EGFLAM: variants seen among roughly 807,000 people sequenced by gnomAD.
EGFLAM encodes the protein pikachurin.
A neutral mutation model predicts 113.1 loss-of-function variants in EGFLAM; 79 were observed. The ratio of observed to expected loss-of-function variants is 0.70; its 90% CI spans 0.58 to 0.84. The LOEUF is 0.84. Ranked by LOEUF, EGFLAM falls within the 40% of genes least tolerant of loss-of-function variation. EGFLAM has a pLI of 0.00. For missense variants in EGFLAM, 1,265 were observed against 1,291.6 expected (o/e 0.98, Z 0.32); for synonymous variants, 504 against 487.6 (o/e 1.03, Z -0.44).
At chr5:38,367,637 C>A (rs1464294852) in intron 5 of EGFLAM, among the ~76,000 whole-genome samples, 1 of 152,092 alleles carries the variant, frequency 6.6e-6, no homozygotes, top group East Asian at 1.9e-4. Flanking sequence ...GAATACATTG[C>A]CAAGATAGCG....
intron 5 of EGFLAM, among the ~76,000 whole-genome samples, chr5:38,353,379 G>A (rs1462324074): frequency 6.6e-6 from 1 of 152,212 alleles, no homozygotes; most frequent in Non-Finnish European, 1.5e-5. Flanking sequence ...GATTCTCCAC[G>A]TTAAAGGTGA....
At chr5:38,273,961 G>A (rs939334484) in intron 1 of EGFLAM, among the ~76,000 whole-genome samples, 20 of 152,184 alleles carry the variant, frequency 1.3e-4, no homozygotes, top group African/African-American at 2.6e-4. Context: ...AATAAAATGC[G>A]TAGAAACAGT....
chr5:38,363,959 T>TAA lies in EGFLAM; in HGVS notation c.546-6335_546-6334dup, dbSNP rs548487981. On this transcript the variant is annotated intron_variant, in intron 5 of 21. Coordinates refer to ENST00000322350, the MANE Select transcript of EGFLAM (RefSeq NM_152403.4). ...TAAACAGTACCTAAATGGGTGAGGT[T>TAA]AAACAGTACCTAAATGGGTGTCGTT... is the stretch of plus-strand genomic sequence containing the variant. Among the ~76,000 whole-genome samples, 253 of 152,328 alleles carry TAA rather than the reference T, an allele frequency of 1.7e-3. 1 individual carries two copies. The highest frequency in any genetic ancestry group is 5.8e-3 in the African/African-American group (240 of 41,582).
chr5:38,427,825 G>T (rs1408404281), intron 14 of EGFLAM, among the ~76,000 whole-genome samples: 1 of 152,230 alleles, frequency 6.6e-6, no homozygotes, highest in Non-Finnish European at 1.5e-5. Flanking sequence ...GTGATGAGTG[G>T]TTTCAATAGC....
At chr5:38,329,503 G>A (rs1485254724) in intron 1 of EGFLAM, among the ~76,000 whole-genome samples, 3 of 152,056 alleles carry the variant, frequency 2.0e-5, no homozygotes, top group Non-Finnish European at 4.4e-5. Context: ...GGGTGGTCAA[G>A]CTGAGTCACT....
chr5:38,324,658 G>GAA (rs149437052), intron 1 of EGFLAM, among the ~76,000 whole-genome samples: 1 of 144,790 alleles, frequency 6.9e-6, no homozygotes, highest in East Asian at 2.0e-4. Flanking sequence ...TGCTTTACAG[G>GAA]AAAAAAAAAA....
chr5:38,261,758 G>A (rs551318862), intron 1 of EGFLAM, among the ~76,000 whole-genome samples: 1 of 152,244 alleles, frequency 6.6e-6, no homozygotes, highest in African/African-American at 2.4e-5. Flanking sequence ...GAGTGCATAT[G>A]ATACTGAAAG....
chr5:38,344,973 G>A (rs928301004), intron 3 of EGFLAM, among the ~76,000 whole-genome samples: 1 of 152,220 alleles, frequency 6.6e-6, no homozygotes, highest in African/African-American at 2.4e-5. Flanking sequence ...ATTCTATTAT[G>A]AGAAAGGAGA....
chr5:38,329,432 A>C (rs536381083), intron 1 of EGFLAM, among the ~76,000 whole-genome samples: 1 of 152,182 alleles, frequency 6.6e-6, no homozygotes, highest in Admixed American at 6.5e-5. Flanking sequence ...TATTGGGTCC[A>C]AGTGTCTGAC....
At chr5:38,295,269 T>G (rs1323759128) in intron 1 of EGFLAM, among the ~76,000 whole-genome samples, 1 of 152,226 alleles carries the variant, frequency 6.6e-6, no homozygotes, top group Non-Finnish European at 1.5e-5. Flanking sequence ...CTGACTATAA[T>G]ACAAAGTTTA....
chr5:38,428,884 G>T (rs1742099837), intron 14 of EGFLAM, among the ~76,000 whole-genome samples: 1 of 152,192 alleles, frequency 6.6e-6, no homozygotes, highest in Admixed American at 6.5e-5. Context: ...TAAGAATTAG[G>T]TGATGAAAAT....
At chr5:38,441,180 C>G (rs1323801473) in intron 17 of EGFLAM, among the ~76,000 whole-genome samples, 2 of 152,204 alleles carry the variant, frequency 1.3e-5, no homozygotes, top group African/African-American at 2.4e-5. Context: ...GCAGTGGCCA[C>G]TGCAGAAACT....
At chr5:38,391,071 G>T (rs2112086876) in intron 6 of EGFLAM, among the ~76,000 whole-genome samples, 1 of 151,926 alleles carries the variant, frequency 6.6e-6, no homozygotes, top group South Asian at 2.1e-4. Context: ...TTTTTCCAAG[G>T]TCATTAGGCA....
chr5:38,400,170 A>G (rs1402966641), intron 6 of EGFLAM, among the ~76,000 whole-genome samples: 1 of 152,156 alleles, frequency 6.6e-6, no homozygotes, highest in Non-Finnish European at 1.5e-5. Flanking sequence ...CCTTCTCCCA[A>G]TTATTTGGAT....
chr5:38,379,379 A>C (rs536507480), intron 6 of EGFLAM, among the ~76,000 whole-genome samples: 3 of 152,088 alleles, frequency 2.0e-5, no homozygotes, highest in Non-Finnish European at 4.4e-5. Flanking sequence ...GGAAGGACGC[A>C]GAGAACACAG....
chr5:38,328,622 GTTAAT>G (rs1262463999), intron 1 of EGFLAM, among the ~76,000 whole-genome samples: 1 of 151,002 alleles, frequency 6.6e-6, no homozygotes, highest in African/African-American at 2.4e-5. Context: ...TAATATTTTC[GTTAAT>G]TTAATAGGTG....
intron 6 of EGFLAM, among the ~76,000 whole-genome samples, chr5:38,399,233 C>T (rs1452559195): frequency 6.6e-6 from 1 of 151,020 alleles, no homozygotes; most frequent in Non-Finnish European, 1.5e-5. Flanking sequence ...CATTCCAAAT[C>T]GAATTCCTCC....
chr5:38,293,159 T>G (rs1039229892), intron 1 of EGFLAM, among the ~76,000 whole-genome samples: 3 of 152,234 alleles, frequency 2.0e-5, no homozygotes, highest in Non-Finnish European at 2.9e-5. Context: ...TGCTTCAAAC[T>G]ATGAAGACCC....
intron 1 of EGFLAM, among the ~76,000 whole-genome samples, chr5:38,272,204 C>A (rs1033511912): frequency 6.6e-6 from 1 of 152,176 alleles, no homozygotes; most frequent in African/African-American, 2.4e-5. Context: ...ATGTTCAATA[C>A]CTAGAGAACA....
Sources: allele counts gnomAD v4.1 joint callset (sites outside exome capture counted in the v4.1 genomes callset), GRCh38; gene constraint gnomAD v4.1.1; transcripts MANE v1.5; gene names NCBI Gene and HGNC (gene_info 2026-07-23, HGNC 2026-07-21).